The following USP54 variants were observed in gnomAD, a reference collection of about 807,000 sequenced individuals.
The protein encoded by USP54 is ubiquitin carboxyl-terminal hydrolase 54.
Under a neutral mutation model 170.5 loss-of-function variants are expected in USP54, and 87 were observed. The ratio of observed to expected loss-of-function variants is 0.51; its 90% confidence interval spans 0.43 to 0.61. The LOEUF (loss-of-function observed/expected upper bound fraction) is 0.61. Among genes scored for constraint, USP54 ranks in the 20% least tolerant of loss-of-function variants. The pLI, the probability that USP54 is intolerant of heterozygous loss-of-function variation, is 0.00. For synonymous variants in USP54, 655 were observed against 742.8 expected, an observed-to-expected ratio of 0.88 and a Z score of 1.92; for missense variants, 1,786 against 2,047.8, an observed-to-expected ratio of 0.87 and a Z score of 2.47.
At chr10:73,618,030 G>A (rs2080786170) in intron 1 of USP54, among the ~76,000 whole-genome samples, 1 of 150,382 alleles carries the variant, frequency 6.6e-6, no homozygotes. Flanking sequence ...GGCCGACATG[G>A]TGAAACCCCA....
intron 1 of USP54, among the ~76,000 whole-genome samples, chr10:73,600,050 C>A (rs1253675181): frequency 6.6e-6 from 1 of 151,996 alleles, no homozygotes; most frequent in African/African-American, 2.4e-5. Context: ...TACAGGCATG[C>A]ACCACCACGC....
intron 1 of USP54, among the ~76,000 whole-genome samples, chr10:73,604,207 C>A (rs908789331): frequency 2.0e-5 from 3 of 151,908 alleles, no homozygotes; most frequent in African/African-American, 7.3e-5. Flanking sequence ...CGAGATCGCA[C>A]CACTGACTCC....
intron 17 of USP54, 130 bp downstream of exon 17, chr10:73,523,453 G>A: frequency 8.8e-7 from 1 of 1,135,616 alleles, no homozygotes; most frequent in Non-Finnish European, 1.2e-6. Flanking sequence ...TGTTCTCACT[G>A]GAATGGGTGA....
At chr10:73,589,312 C>A (rs995536606) in intron 1 of USP54, among the ~76,000 whole-genome samples, 1 of 152,130 alleles carries the variant, frequency 6.6e-6, no homozygotes, top group African/African-American at 2.4e-5. Context: ...TCCAAAAGGT[C>A]TACAGAAGAA....
chr10:73,580,726 T>C (rs2076796947), intron 1 of USP54, among the ~76,000 whole-genome samples: 1 of 151,958 alleles, frequency 6.6e-6, no homozygotes, highest in Non-Finnish European at 1.5e-5. Flanking sequence ...GCACGCACCA[T>C]CACGCTCAGC....
intron 4 of USP54, among the ~76,000 whole-genome samples, chr10:73,563,829 T>C (rs2073666709): frequency 6.6e-6 from 1 of 152,204 alleles, no homozygotes; most frequent in African/African-American, 2.4e-5. Context: ...TCTCCAGGTT[T>C]GTAGCCTTGT....
intron 4 of USP54, among the ~76,000 whole-genome samples, chr10:73,562,087 C>G (rs543065007): frequency 8.6e-5 from 13 of 151,084 alleles, no homozygotes; most frequent in Non-Finnish European, 1.9e-4. Context: ...GGTGATAGAG[C>G]AAAACTCTGT....
At chr10:73,545,147 C>G (rs973086919) in intron 5 of USP54, among the ~76,000 whole-genome samples, 2 of 152,088 alleles carry the variant, frequency 1.3e-5, no homozygotes, top group African/African-American at 4.8e-5. Flanking sequence ...TCAGTTATTC[C>G]CTGATTAATT....
intron 18 of USP54, 71 bp from the exon 19 acceptor site, chr10:73,520,063 A>C: frequency 6.6e-7 from 1 of 1,519,412 alleles, no homozygotes; most frequent in Non-Finnish European, 8.8e-7. Flanking sequence ...AATAAAATTG[A>C]AAAAAAATGA....
At chr10:73,559,670 G>T (rs895832171) in intron 4 of USP54, among the ~76,000 whole-genome samples, 1 of 151,570 alleles carries the variant, frequency 6.6e-6, no homozygotes, top group Non-Finnish European at 1.5e-5. Context: ...GGAGGTTGCA[G>T]TGAGTCCAGA....
At chr10:73,602,526 C>T (rs1022437211) in intron 1 of USP54, among the ~76,000 whole-genome samples, 3 of 148,832 alleles carry the variant, frequency 2.0e-5, no homozygotes, top group Non-Finnish European at 3.0e-5. Context: ...GCACTCCAGC[C>T]TGGGTAACAG....
chr10:73,617,899 T>G (rs560151445), intron 1 of USP54, among the ~76,000 whole-genome samples: 6 of 149,596 alleles, frequency 4.0e-5, no homozygotes, highest in Non-Finnish European at 7.4e-5. Context: ...AAAGACCCTG[T>G]CTTAAGAAAT....
chr10:73,499,085 G>C lies in USP54; in HGVS notation c.4599C>G (p.Pro1533=), dbSNP rs199951157. The change falls in exon 24 of 24, where the codon CCC becomes CCG. Residue 1533 remains proline, a synonymous_variant. Transcript: ENST00000687698. ...AGGAGTTGTCTGTTCTGGAGCGATG[G>C]GGGAGGCTCTGGTAGTTCAAAGTCC... ...TGRTLNYQSL[P]HRSRTDNSWA... is the part of the protein sequence containing the mutation. 2 of 1,614,140 alleles carry C rather than the reference G, an allele frequency of 1.2e-6. No homozygotes were observed. Among genetic ancestry groups the C allele is most frequent in the Non-Finnish European group, 8.5e-7 (1 of 1,180,018 alleles).
At chr10:73,576,877 T>C (rs2076184916) in intron 1 of USP54, among the ~76,000 whole-genome samples, 1 of 152,208 alleles carries the variant, frequency 6.6e-6, no homozygotes, top group Non-Finnish European at 1.5e-5. Context: ...GTAAACCACA[T>C]GTCCTTAACA....
chr10:73,530,075 C>T (rs142682875), intron 14 of USP54, 68 bp downstream of exon 14: 2 of 1,531,486 alleles, frequency 1.3e-6, no homozygotes, highest in East Asian at 2.3e-5. Context: ...TACCAAAAAA[C>T]CCAGGTTTTA....
At position 73,541,617 on chromosome 10, in the gene USP54, C is replaced by A. The variant is rs754168354; in HGVS notation, c.678+16G>T. 2.5e-6 allele frequency: 4 copies of A among 1,613,854 alleles called. No homozygotes were observed. Among genetic ancestry groups the A allele is most frequent in the Non-Finnish European group, 3.4e-6 (4 of 1,179,922 alleles). On this transcript the variant is annotated intron_variant, in intron 8 of 23. Coordinates refer to ENST00000687698, the MANE Select transcript of USP54 (RefSeq NM_001391956.1). ...TTCCCTTTCCCACTCCAAACCCCAC[C>A]CCTGATTTAACTCACTGGACAGTTC...
intron 20 of USP54, among the ~76,000 whole-genome samples, chr10:73,512,498 C>T (rs2060370941): frequency 6.6e-6 from 1 of 151,868 alleles, no homozygotes; most frequent in African/African-American, 2.4e-5. Context: ...AAAATAAAGA[C>T]TAGTTTGATT....
chr10:73,596,849 C>A (rs926618356), intron 1 of USP54, among the ~76,000 whole-genome samples: 2 of 151,760 alleles, frequency 1.3e-5, no homozygotes, highest in African/African-American at 4.8e-5. Flanking sequence ...CATAGAGAAG[C>A]CATAAGGTGC....
intron 1 of USP54, among the ~76,000 whole-genome samples, chr10:73,619,594 C>A (rs746248921): frequency 1.3e-5 from 2 of 149,822 alleles, no homozygotes; most frequent in African/African-American, 2.5e-5. Flanking sequence ...GGATTATAGG[C>A]GTGAGCCACC....
Sources: allele counts gnomAD v4.1 joint callset (sites outside exome capture counted in the v4.1 genomes callset), GRCh38; gene constraint gnomAD v4.1.1; transcripts MANE v1.5; gene names NCBI Gene and HGNC (gene_info 2026-07-23, HGNC 2026-07-21).